The following SLC24A3 variants were observed in gnomAD, a reference collection of about 807,000 sequenced individuals.
SLC24A3 encodes the protein sodium/potassium/calcium exchanger 3.
SLC24A3 carries 28 observed loss-of-function variants against 75.8 expected under a neutral mutation model. The observed-to-expected ratio is 0.37, with a 90% CI of 0.27 to 0.51. The LOEUF is 0.51. SLC24A3 is among the 20% of genes least tolerant of loss of function. SLC24A3 has a pLI of 0.94. For missense variants in SLC24A3, 663 were observed against 847.8 expected, an observed-to-expected ratio of 0.78 and a Z score of 2.71; for synonymous variants, 372 against 334.1, an observed-to-expected ratio of 1.11 and a Z score of -1.24.
intron 8 of SLC24A3, among the ~76,000 whole-genome samples, chr20:19,670,942 C>G (rs1278499490): frequency 6.6e-6 from 1 of 152,136 alleles, no homozygotes; most frequent in Admixed American, 6.5e-5. Context: ...TAATGAGACA[C>G]CAGATACCAG....
intron 3 of SLC24A3, among the ~76,000 whole-genome samples, chr20:19,552,038 A>C (rs2030704609): frequency 6.6e-6 from 1 of 152,164 alleles, no homozygotes; most frequent in Non-Finnish European, 1.5e-5. Context: ...TTCTCAGTTT[A>C]GTTACCTCCC....
chr20:19,489,257 T>C (rs1435576030), intron 2 of SLC24A3, among the ~76,000 whole-genome samples: 2 of 152,226 alleles, frequency 1.3e-5, no homozygotes, highest in African/African-American at 2.4e-5. Context: ...TAGGTATGAT[T>C]GACTCATTGG....
chr20:19,259,901 G>T (rs1405318768), intron 1 of SLC24A3, among the ~76,000 whole-genome samples: 1 of 152,124 alleles, frequency 6.6e-6, no homozygotes, highest in African/African-American at 2.4e-5. Flanking sequence ...AACAAAGTAG[G>T]TCTCTCCCTC....
At chr20:19,466,247 C>T (rs1024980079) in intron 2 of SLC24A3, among the ~76,000 whole-genome samples, 4 of 152,024 alleles carry the variant, frequency 2.6e-5, no homozygotes, top group Non-Finnish European at 4.4e-5. Flanking sequence ...CATACCTATT[C>T]CCTGCAATAG....
At chr20:19,223,505 C>G (rs553877711) in intron 1 of SLC24A3, among the ~76,000 whole-genome samples, 47 of 152,158 alleles carry the variant, frequency 3.1e-4, no homozygotes, top group African/African-American at 1.1e-3. Flanking sequence ...AGTGAATGCC[C>G]GAAACCATGG....
At chr20:19,264,388 ATACGC>A (rs1983094491) in intron 1 of SLC24A3, among the ~76,000 whole-genome samples, 1 of 152,124 alleles carries the variant, frequency 6.6e-6, no homozygotes, top group South Asian at 2.1e-4. Flanking sequence ...TGCCCCAAGC[ATACGC>A]TATGTGTCTC....
At chr20:19,654,666 G>C (rs1235463201) in intron 7 of SLC24A3, among the ~76,000 whole-genome samples, 2 of 41,770 alleles carry the variant, frequency 4.8e-5, no homozygotes, top group African/African-American at 1.7e-4. Context: ...TTTTTTTTTT[G>C]AGATAGAGTC....
At chr20:19,687,295 G>A (rs2032688165) in intron 12 of SLC24A3, among the ~76,000 whole-genome samples, 1 of 152,124 alleles carries the variant, frequency 6.6e-6, no homozygotes, top group Non-Finnish European at 1.5e-5. Flanking sequence ...TGGATGTGTG[G>A]AGCTCTTCCC....
At chr20:19,704,426 C>T (rs1276999030) in intron 15 of SLC24A3, among the ~76,000 whole-genome samples, 1 of 152,212 alleles carries the variant, frequency 6.6e-6, no homozygotes, top group African/African-American at 2.4e-5. Flanking sequence ...GCTTATTATG[C>T]ACCCACTATA....
intron 2 of SLC24A3, among the ~76,000 whole-genome samples, chr20:19,487,710 G>C (rs1456955017): frequency 1.3e-5 from 2 of 152,184 alleles, no homozygotes; most frequent in Non-Finnish European, 2.9e-5. Context: ...TGTGAGCTGA[G>C]GTGAAGAAAA....
intron 2 of SLC24A3, among the ~76,000 whole-genome samples, chr20:19,498,937 T>C (rs1988343127): frequency 6.6e-6 from 1 of 152,184 alleles, no homozygotes; most frequent in South Asian, 2.1e-4. Context: ...GAGCCACTAT[T>C]TGAGAAGTCT....
intron 3 of SLC24A3, among the ~76,000 whole-genome samples, chr20:19,568,688 T>C (rs1476873157): frequency 6.6e-6 from 1 of 152,200 alleles, no homozygotes; most frequent in Non-Finnish European, 1.5e-5. Context: ...ATGGCGATGA[T>C]GGTTTCATGG....
At chr20:19,679,852 T>A (rs746505051) in intron 9 of SLC24A3, among the ~76,000 whole-genome samples, 38 of 149,592 alleles carry the variant, frequency 2.5e-4, no homozygotes, top group Non-Finnish European at 4.9e-4. Flanking sequence ...TGCTGCTGTG[T>A]CTGTATGTGT....
chr20:19,359,314 G>GA (rs1985744860), intron 2 of SLC24A3, among the ~76,000 whole-genome samples: 1 of 152,104 alleles, frequency 6.6e-6, no homozygotes, highest in Non-Finnish European at 1.5e-5. Flanking sequence ...GTTCCTAAAA[G>GA]AATCCTTAAT....
chr20:19,704,125 A>T (rs2032901900), intron 15 of SLC24A3, among the ~76,000 whole-genome samples: 1 of 152,164 alleles, frequency 6.6e-6, no homozygotes, highest in African/African-American at 2.4e-5. Context: ...CACTTGGAAC[A>T]TATTCCACAA....
intron 6 of SLC24A3, among the ~76,000 whole-genome samples, chr20:19,591,536 G>T (rs1318947060): frequency 6.6e-6 from 1 of 151,138 alleles, no homozygotes; most frequent in Non-Finnish European, 1.5e-5. Flanking sequence ...GCATTTTCAG[G>T]CCTCAGGTAC....
chr20:19,659,757 T>C (rs1347762005), intron 7 of SLC24A3, among the ~76,000 whole-genome samples: 1 of 152,024 alleles, frequency 6.6e-6, no homozygotes, highest in Non-Finnish European at 1.5e-5. Context: ...AATATAGAAT[T>C]TGGACTTTCC....
intron 3 of SLC24A3, among the ~76,000 whole-genome samples, chr20:19,543,555 G>C (rs967766313): frequency 6.6e-6 from 1 of 152,154 alleles, no homozygotes; most frequent in East Asian, 1.9e-4. Context: ...AGGCCGGGGA[G>C]GGAGGCCAAC....
intron 2 of SLC24A3, among the ~76,000 whole-genome samples, chr20:19,325,828 AGAGAGAGAGAGG>A (rs1328313190): frequency 0.014 from 1,565 of 108,912 alleles, 65 homozygotes; most frequent in African/African-American, 0.043. Context: ...AGAGAGAGAG[AGAGAGAGAGAGG>A]GAGACATCTG....
Sources: gnomAD v4.1 joint callset for allele counts (sites outside exome capture counted in the v4.1 genomes callset) on GRCh38, gnomAD v4.1.1 for gene constraint, MANE v1.5 for transcripts, NCBI Gene and HGNC (gene_info 2026-07-23, HGNC 2026-07-21) for gene names.